TRPC4: variants seen among roughly 807,000 people sequenced by gnomAD.
TRPC4 encodes the protein transient receptor potential cation channel subfamily C member 4, also known as short transient receptor potential channel 4.
In TRPC4, 49 loss-of-function variants were observed where a neutral mutation model predicts 99.4. The observed-to-expected ratio is 0.49, with a 90% confidence interval of 0.39 to 0.63. TRPC4 has a LOEUF of 0.63. Ranked by LOEUF, TRPC4 falls within the 20% of genes least tolerant of loss-of-function variation. The pLI is 0.00. For synonymous variants in TRPC4, 454 were observed against 425.9 expected (o/e 1.07, Z -0.81); for missense variants, 898 against 1,152.9 (o/e 0.78, Z 3.20).
chr13:37,822,770 C>A (rs1006946911), intron 1 of TRPC4, among the ~76,000 whole-genome samples: 1 of 152,070 alleles, frequency 6.6e-6, no homozygotes, highest in African/African-American at 2.4e-5. Context: ...ATTTATAGTA[C>A]TTTGGGTATA....
chr13:37,658,385 G>C (rs1338581108), intron 6 of TRPC4, among the ~76,000 whole-genome samples: 1 of 152,092 alleles, frequency 6.6e-6, no homozygotes, highest in Admixed American at 6.5e-5. Context: ...TTGTTTCCCT[G>C]ATTATATATT....
chr13:37,645,501 G>A (rs1236917417), intron 8 of TRPC4, among the ~76,000 whole-genome samples: 2 of 152,094 alleles, frequency 1.3e-5, no homozygotes, highest in Admixed American at 1.3e-4. Context: ...TTTCCACTCT[G>A]GTTTTGGTCT....
At chr13:37,790,545 G>A (rs1957090978) in intron 1 of TRPC4, among the ~76,000 whole-genome samples, 1 of 152,162 alleles carries the variant, frequency 6.6e-6, no homozygotes, top group Admixed American at 6.6e-5. Context: ...CTGTTTAGCT[G>A]AGATAATATT....
At chr13:37,724,047 A>G (rs1954957379) in intron 3 of TRPC4, among the ~76,000 whole-genome samples, 1 of 152,158 alleles carries the variant, frequency 6.6e-6, no homozygotes, top group Non-Finnish European at 1.5e-5. Flanking sequence ...ATGTCCGCAA[A>G]TTAGGGATTA....
chr13:37,721,173 T>C (rs1301190259), intron 3 of TRPC4, among the ~76,000 whole-genome samples: 3 of 152,148 alleles, frequency 2.0e-5, no homozygotes, highest in Non-Finnish European at 4.4e-5. Context: ...ATTTAGAAAA[T>C]AGTTGTCCAC....
chr13:37,639,376 G>A lies in TRPC4; in HGVS notation c.2080-77C>T, dbSNP rs543496732. On this transcript the variant is annotated intron_variant, in intron 8 of 10. Transcript: ENST00000379705. Reference sequence around the variant, plus strand: ...TAAAAAATAATTTATTTTTTTAATCGATAATGTTTTTATTCTTATTTCTTC... The same window carrying A: ...TAAAAAATAATTTATTTTTTTAATCAATAATGTTTTTATTCTTATTTCTTC... 1.4e-5 allele frequency: 20 copies of A among 1,436,036 alleles called. No individual in the cohort carries two copies. In the African/African-American group the frequency reaches 2.0e-4, roughly 15 times the overall value. The allele number at this position is 1,436,036 out of a possible 1,614,324, so 89.0% of individuals were successfully genotyped here. A position where few individuals can be genotyped will look rare whatever the true frequency, so the allele number is the denominator to read the frequency against.
At chr13:37,745,822 C>T (rs966470667) in intron 3 of TRPC4, 115 bp downstream of exon 3, 1 of 1,135,832 alleles carries the variant, frequency 8.8e-7, no homozygotes, top group Admixed American at 2.2e-5. Context: ...ATGTCATCCA[C>T]TTACAGCTGA....
At position 37,728,358 on chromosome 13, in the gene TRPC4, T is replaced by C. The variant is rs139074746; in HGVS notation, c.897+17579A>G. Among the ~76,000 whole-genome samples, 676 of 152,060 alleles carry C rather than the reference T, an allele frequency of 4.4e-3. 18 individuals are homozygous for C. Among genetic ancestry groups the C allele is most frequent in the Admixed American group, 0.015 (236 of 15,256 alleles). On this transcript the variant is annotated intron_variant, in intron 3 of 10. Coordinates refer to ENST00000379705, the MANE Select transcript of TRPC4 (RefSeq NM_016179.4). ...CAAGGTAGCAGAGTACAAAGTCAAC[T>C]CACAAAAATAAGTTACATTTCTATA...
chr13:37,806,338 G>A (rs1175822063), intron 1 of TRPC4, among the ~76,000 whole-genome samples: 1 of 152,018 alleles, frequency 6.6e-6, no homozygotes, highest in Non-Finnish European at 1.5e-5. Flanking sequence ...CACAGTGTGA[G>A]TTCCATCTGT....
intron 2 of TRPC4, among the ~76,000 whole-genome samples, chr13:37,774,203 T>C (rs1956638587): frequency 6.6e-6 from 1 of 151,750 alleles, no homozygotes; most frequent in African/African-American, 2.4e-5. Context: ...AGAGAGATTA[T>C]ACATCCAGTT....
intron 4 of TRPC4, among the ~76,000 whole-genome samples, chr13:37,688,149 C>T (rs535257651): frequency 6.6e-6 from 1 of 152,170 alleles, no homozygotes; most frequent in Non-Finnish European, 1.5e-5. Flanking sequence ...CGATAACCTT[C>T]AAATACAAGC....
chr13:37,860,131 A>T (rs533762559), intron 1 of TRPC4, among the ~76,000 whole-genome samples: 8 of 151,474 alleles, frequency 5.3e-5, no homozygotes, highest in African/African-American at 7.2e-5. Context: ...TAGGAAAATG[A>T]ACTGAAAGTA....
chr13:37,689,250 C>A (rs9576340), intron 4 of TRPC4, among the ~76,000 whole-genome samples: 13,366 of 152,064 alleles, frequency 0.088, 848 homozygotes, highest in East Asian at 0.3. Flanking sequence ...TTGTGACCAC[C>A]CATAATTTAA....
intron 1 of TRPC4, among the ~76,000 whole-genome samples, chr13:37,837,594 A>G (rs762397454): frequency 5.3e-5 from 8 of 152,176 alleles, no homozygotes; most frequent in Non-Finnish European, 1.0e-4. Context: ...GAATGGCTGT[A>G]TTTACCCAGT....
At chr13:37,764,113 G>A (rs985392773) in intron 2 of TRPC4, among the ~76,000 whole-genome samples, 4 of 151,574 alleles carry the variant, frequency 2.6e-5, no homozygotes, top group Admixed American at 6.6e-5. Context: ...TTAAAAAGAA[G>A]CAACAGCTGA....
At chr13:37,856,797 T>C (rs1457205639) in intron 1 of TRPC4, among the ~76,000 whole-genome samples, 1 of 151,676 alleles carries the variant, frequency 6.6e-6, no homozygotes, top group Non-Finnish European at 1.5e-5. Flanking sequence ...GTAAAAACCA[T>C]ATGATCACTT....
chr13:37,755,895 A>C (rs1034701886), intron 2 of TRPC4, among the ~76,000 whole-genome samples: 1 of 152,114 alleles, frequency 6.6e-6, no homozygotes, highest in Non-Finnish European at 1.5e-5. Flanking sequence ...GGCTTCAATA[A>C]AAATGTGCTA....
chr13:37,809,498 G>T, intron 1 of TRPC4, among the ~76,000 whole-genome samples: 1 of 149,272 alleles, frequency 6.7e-6, no homozygotes. Context: ...TGACTTATAA[G>T]CTATTAAAAA....
chr13:37,787,912 T>C (rs1344556403), intron 1 of TRPC4, among the ~76,000 whole-genome samples: 1 of 152,102 alleles, frequency 6.6e-6, no homozygotes, highest in Non-Finnish European at 1.5e-5. Flanking sequence ...TTTAATTTTA[T>C]TTTCTCATCT....
Sources: gnomAD v4.1 joint callset for allele counts (sites outside exome capture counted in the v4.1 genomes callset) on GRCh38, gnomAD v4.1.1 for gene constraint, MANE v1.5 for transcripts, NCBI Gene and HGNC (gene_info 2026-07-23, HGNC 2026-07-21) for gene names.